Variants in SPAG17 observed in about 807,000 individuals in gnomAD.
SPAG17 encodes sperm-associated antigen 17.
Under a neutral mutation model 273.6 loss-of-function variants are expected in SPAG17, and 169 were observed. That is an observed-to-expected ratio of 0.62 (90% CI 0.55 to 0.70). SPAG17 has a LOEUF of 0.70. Ranked by LOEUF, SPAG17 falls within the 30% of genes least tolerant of loss-of-function variation. The probability of loss-of-function intolerance (pLI) is 0.00; values close to 1 mark genes in which losing one functional copy is unlikely to be tolerated. For synonymous variants in SPAG17, 825 were observed against 873.2 expected (o/e 0.94, Z 0.97); for missense variants, 2,557 against 2,627.8 (o/e 0.97, Z 0.59).
rs769199633 is a variant in SPAG17 at position 117,970,268 on chromosome 1, T to C, written c.6327-152A>G. ...TTAGAAAAACAACTTTAATATTCAA[T>C]TGGGAGAAGAATCTGGGGCCCATTT... On this transcript the variant is annotated intron_variant, in intron 45 of 48. Coordinates refer to ENST00000336338, the MANE Select transcript of SPAG17 (RefSeq NM_206996.4). 9.1e-6 allele frequency: 6 copies of C among 660,566 alleles called. No individual in the cohort carries two copies. The Admixed American group carries it at 1.0e-4, about 11-fold the overall frequency. 40.9% of individuals were successfully genotyped at this position (660,566 alleles called of 1,614,324 possible).
intron 32 of SPAG17, among the ~76,000 whole-genome samples, chr1:118,000,128 T>G (rs1486905559): frequency 1.3e-5 from 2 of 152,068 alleles, no homozygotes; most frequent in African/African-American, 4.8e-5. Flanking sequence ...AGATCAGATG[T>G]TTGTAGATGT....
At position 118,081,150 on chromosome 1, in the gene SPAG17, C is replaced by T; in HGVS notation, c.2160G>A (p.Leu720=). ...CCTTCATGATGCTCTCCTGCTCTAA[C>T]AGCTGTCTATTATCAGGGACTGAGA... ...LKLSVPDNRQ[L]LEQESIMKAQ... Residue 720 remains leucine (L), a synonymous_variant, in exon 15 of 49, where the codon CTG becomes CTA. Coordinates refer to ENST00000336338, the MANE Select transcript of SPAG17 (RefSeq NM_206996.4). 2 of 1,613,958 alleles carry T rather than the reference C, an allele frequency of 1.2e-6. No individual in the cohort carries two copies. Among genetic ancestry groups the T allele is most frequent in the Non-Finnish European group, 1.7e-6 (2 of 1,179,982 alleles).
intron 28 of SPAG17, among the ~76,000 whole-genome samples, chr1:118,022,334 CCT>C (rs1660578896): frequency 6.6e-6 from 1 of 151,988 alleles, no homozygotes; most frequent in African/African-American, 2.4e-5. Context: ...ATATACACCT[CCT>C]ATATAAAAAT....
intron 3 of SPAG17, among the ~76,000 whole-genome samples, chr1:118,134,922 T>C (rs1385536631): frequency 6.6e-6 from 1 of 152,188 alleles, no homozygotes; most frequent in Admixed American, 6.5e-5. Flanking sequence ...CTCTCAAAAC[T>C]TTAAAAAGAT....
chr1:117,986,815 A>C (rs895736133), intron 40 of SPAG17, among the ~76,000 whole-genome samples: 22 of 152,198 alleles, frequency 1.4e-4, no homozygotes, highest in African/African-American at 5.3e-4. Context: ...AAAATGGCAG[A>C]AACAGGAAAT....
At chr1:118,081,746 G>C (rs1654593237) in intron 13 of SPAG17, 104 bp from the exon 14 acceptor site, 1 of 913,060 alleles carries the variant, frequency 1.1e-6, no homozygotes, top group Admixed American at 2.3e-5. Context: ...AAAGACAAGA[G>C]AGTCACGCCA....
intron 35 of SPAG17, 120 bp from the exon 36 acceptor site, chr1:117,992,768 T>A: frequency 1.1e-6 from 1 of 883,108 alleles, no homozygotes; most frequent in Non-Finnish European, 1.6e-6. Context: ...GACACAGTGG[T>A]GAAAAAAAAT....
At chr1:118,116,842 T>TA (rs1388590086) in intron 3 of SPAG17, among the ~76,000 whole-genome samples, 1 of 152,182 alleles carries the variant, frequency 6.6e-6, no homozygotes, top group East Asian at 1.9e-4. Flanking sequence ...CTCTAGGAAA[T>TA]ACAGTGCTTT....
At position 118,055,725 on chromosome 1, in the gene SPAG17, T is replaced by C. The variant is rs1390480579; in HGVS notation, c.2722+8A>G. 4 of 1,597,426 alleles carry C rather than the reference T, an allele frequency of 2.5e-6. No individual in the cohort carries two copies. The highest frequency in any genetic ancestry group is 2.6e-6 in the Non-Finnish European group (3 of 1,167,702). Reference sequence around the variant, plus strand: ...TTATTCTACGTATAAGTTGAACTGGTTACTTACTTTTAGATTCTTTAATGG... The same window carrying C: ...TTATTCTACGTATAAGTTGAACTGGCTACTTACTTTTAGATTCTTTAATGG... On this transcript the variant is annotated splice_region_variant and intron_variant, in intron 19 of 48. Coordinates refer to ENST00000336338, the MANE Select transcript of SPAG17 (RefSeq NM_206996.4).
At chr1:118,063,994 A>G (rs924745843) in intron 18 of SPAG17, among the ~76,000 whole-genome samples, 11 of 152,234 alleles carry the variant, frequency 7.2e-5, no homozygotes, top group Non-Finnish European at 2.9e-5. Flanking sequence ...AATACTCATC[A>G]TCACTGGTCA....
chr1:118,109,357 C>A (rs1405426143), intron 4 of SPAG17, among the ~76,000 whole-genome samples: 1 of 145,676 alleles, frequency 6.9e-6, no homozygotes. Context: ...ACCAGCTTGG[C>A]CAACATGGCG....
chr1:118,081,303 G>A lies in SPAG17; in HGVS notation c.2007C>T (p.Asp669=), dbSNP rs759821699. The A allele has an allele frequency of 1.2e-6, 2 of 1,613,908 alleles. No homozygotes were observed. Among genetic ancestry groups the A allele is most frequent in the Non-Finnish European group, 1.7e-6 (2 of 1,179,936 alleles). Reference sequence around the variant, plus strand: ...AATTCTGATCCACAAATAGTGTTCTGTCTTTGATTTTAATATCTATTCAGT... The same window carrying A: ...AATTCTGATCCACAAATAGTGTTCTATCTTTGATTTTAATATCTATTCAGT... ...AKQKADIKIK[D]RTLFVDQNLS... is the part of the protein sequence containing the mutation. Residue 669 remains aspartate, a synonymous_variant, in exon 15 of 49, where the codon GAC becomes GAT. Transcript: ENST00000336338.
intron 1 of SPAG17, among the ~76,000 whole-genome samples, chr1:118,180,231 A>G (rs1322809841): frequency 2.0e-5 from 3 of 152,026 alleles, no homozygotes; most frequent in Non-Finnish European, 4.4e-5. Flanking sequence ...AGAAAACTGT[A>G]TATATGCAGT....
chr1:118,114,787 G>GA (rs1656975537), intron 4 of SPAG17, among the ~76,000 whole-genome samples: 1 of 152,128 alleles, frequency 6.6e-6, no homozygotes, highest in Non-Finnish European at 1.5e-5. Flanking sequence ...CAAATTAAAT[G>GA]AAAAATCCAG....
chr1:117,982,598 C>T (rs777930268), intron 42 of SPAG17, among the ~76,000 whole-genome samples: 11 of 152,154 alleles, frequency 7.2e-5, no homozygotes, highest in Non-Finnish European at 1.5e-4. Context: ...CATTTTATTT[C>T]ATCCCTAAAT....
chr1:118,172,760 A>G (rs1262724889), intron 1 of SPAG17, among the ~76,000 whole-genome samples: 4 of 152,176 alleles, frequency 2.6e-5, no homozygotes, highest in African/African-American at 4.8e-5. Context: ...ACCATGCTTC[A>G]CTTAACATTA....
chr1:118,148,911 G>A (rs1185871253), intron 3 of SPAG17, among the ~76,000 whole-genome samples: 1 of 152,190 alleles, frequency 6.6e-6, no homozygotes, highest in Non-Finnish European at 1.5e-5. Flanking sequence ...TAAATGTGAA[G>A]GGACTGAGAT....
chr1:117,973,653 T>C, intron 43 of SPAG17, 92 bp from the exon 44 acceptor site: 1 of 1,295,680 alleles, frequency 7.7e-7, no homozygotes, highest in Non-Finnish European at 1.0e-6. Context: ...AGAAACCAAC[T>C]TGGAAACTTT....
chr1:118,147,194 A>T (rs1444567499), intron 3 of SPAG17, among the ~76,000 whole-genome samples: 1 of 152,076 alleles, frequency 6.6e-6, no homozygotes, highest in East Asian at 1.9e-4. Flanking sequence ...TTGAGGTTAG[A>T]GTCTTTATAA....
Sources: allele counts gnomAD v4.1 joint callset (sites outside exome capture counted in the v4.1 genomes callset), GRCh38; gene constraint gnomAD v4.1.1; transcripts MANE v1.5; gene names NCBI Gene and HGNC (gene_info 2026-07-23, HGNC 2026-07-21).